Variants in CA8 observed in about 807,000 individuals in gnomAD.
The protein encoded by CA8 is carbonic anhydrase 8 (inactive), also known as carbonic anhydrase-related protein.
In CA8, 22 loss-of-function variants were observed where a neutral mutation model predicts 41.4. The ratio of observed to expected loss-of-function variants is 0.53; its 90% CI spans 0.38 to 0.76. The LOEUF is 0.76. Among genes scored for constraint, CA8 ranks in the 30% least tolerant of loss-of-function variants. The pLI is 0.00. For synonymous variants in CA8, 121 were observed against 130.6 expected, an observed-to-expected ratio of 0.93 and a Z score of 0.50; for missense variants, 270 against 352.8, an observed-to-expected ratio of 0.77 and a Z score of 1.88.
chr8:60,240,874 A>C (rs976855340), intron 3 of CA8, among the ~76,000 whole-genome samples: 2 of 152,134 alleles, frequency 1.3e-5, no homozygotes, highest in African/African-American at 4.8e-5. Flanking sequence ...ATTTTGAAAA[A>C]GAAAAAAAAA....
At chr8:60,256,461 C>A (rs535741340) in intron 3 of CA8, among the ~76,000 whole-genome samples, 2 of 152,072 alleles carry the variant, frequency 1.3e-5, no homozygotes, top group Non-Finnish European at 2.9e-5. Flanking sequence ...GCTTCTGTCA[C>A]GAATTTTTGG....
At chr8:60,213,481 GAAGA>G (rs1806911599) in intron 7 of CA8, among the ~76,000 whole-genome samples, 2 of 152,162 alleles carry the variant, frequency 1.3e-5, no homozygotes, top group Admixed American at 6.5e-5. Context: ...TTAAGAAAGG[GAAGA>G]AAGAGTCTCC....
chr8:60,246,290 T>C (rs1049750650), intron 3 of CA8, among the ~76,000 whole-genome samples: 7 of 148,390 alleles, frequency 4.7e-5, no homozygotes, highest in African/African-American at 1.5e-4. Flanking sequence ...CTGGGGGGGG[T>C]TGAGTTTGTT....
In CA8 at chr8:60,202,188, C is replaced by T. The variant is rs1022885885; in HGVS notation, c.*35+6562G>A. Among the ~76,000 whole-genome samples, 11 of 151,624 alleles carry T rather than the reference C, an allele frequency of 7.3e-5. No homozygotes were observed. In the South Asian group the frequency reaches 1.5e-3, roughly 20 times the overall value. On this transcript the variant is annotated intron_variant, in intron 8 of 8. Transcript: ENST00000317995. ...CCTCCTGAGTAGCTGGGACTACAGG[C>T]GCCTGCCACCATTCCCAGCTAATTT...
At position 60,260,283 on chromosome 8, in the gene CA8, G is replaced by A. The variant is rs116726669; in HGVS notation, c.417+5642C>T. On this transcript the variant is annotated intron_variant, in intron 3 of 8. Transcript: ENST00000317995. ...TATCTACTAAATCCACCACCCCTTC[G>A]ACCCCATTCTTGGAGGTAGCAGGGA... Among the ~76,000 whole-genome samples, 335 of 152,138 alleles carry A rather than the reference G, an allele frequency of 2.2e-3. 1 individual carries two copies. Among genetic ancestry groups the A allele is most frequent in the African/African-American group, 7.6e-3 (317 of 41,492 alleles).
At chr8:60,232,209 GAAT>G (rs1176819202) in intron 4 of CA8, 72 bp downstream of exon 4, 3 of 1,111,928 alleles carry the variant, frequency 2.7e-6, no homozygotes, top group Non-Finnish European at 4.1e-6. Context: ...ATAAAATTGA[GAAT>G]AAAAAAATTT....
chr8:60,243,142 C>G lies in CA8; in HGVS notation c.418-10763G>C, dbSNP rs567015062. 2.6e-5 allele frequency among the ~76,000 whole-genome samples: 4 copies of G among 152,262 alleles called. No individual in the cohort carries two copies. The South Asian group carries it at 8.3e-4, about 32-fold the overall frequency. ...GCTGGAGCCGTCCTTAAATCCAGCC[C>G]AAAGGCCCACCAGTCAGCATCCCCA... On this transcript the variant is annotated intron_variant, in intron 3 of 8. Transcript: ENST00000317995.
intron 4 of CA8, among the ~76,000 whole-genome samples, chr8:60,229,200 A>G (rs552740903): frequency 6.6e-6 from 1 of 150,992 alleles, no homozygotes; most frequent in Admixed American, 6.6e-5. Flanking sequence ...ATCTCTCCTT[A>G]TCTTCCACTG....
intron 8 of CA8, among the ~76,000 whole-genome samples, chr8:60,197,571 C>T (rs1001923445): frequency 2.0e-5 from 3 of 152,162 alleles, no homozygotes; most frequent in African/African-American, 4.8e-5. Flanking sequence ...CAAGGTCACA[C>T]AACTAATTAC....
chr8:60,194,853 TA>T (rs745488577), intron 8 of CA8, among the ~76,000 whole-genome samples: 2 of 151,526 alleles, frequency 1.3e-5, no homozygotes, highest in African/African-American at 4.8e-5. Flanking sequence ...GCAATGCACT[TA>T]AAAAAAAATC....
chr8:60,232,956 G>A (rs2130497815), intron 3 of CA8, among the ~76,000 whole-genome samples: 1 of 152,262 alleles, frequency 6.6e-6, no homozygotes, highest in Non-Finnish European at 1.5e-5. Flanking sequence ...TTCCTGCACT[G>A]GCGATAAAAT....
At chr8:60,277,417 A>C (rs903150986) in intron 2 of CA8, among the ~76,000 whole-genome samples, 1 of 151,886 alleles carries the variant, frequency 6.6e-6, no homozygotes. Flanking sequence ...GCAATGGCGC[A>C]ATCTCGGCTC....
chr8:60,217,125 C>A (rs139077548), intron 7 of CA8, among the ~76,000 whole-genome samples: 78 of 152,236 alleles, frequency 5.1e-4, no homozygotes, highest in African/African-American at 1.9e-3. Flanking sequence ...CTCAGGTGAT[C>A]CGTCCACCTC....
chr8:60,237,117 T>C (rs1048307962), intron 3 of CA8, among the ~76,000 whole-genome samples: 5 of 152,202 alleles, frequency 3.3e-5, no homozygotes, highest in African/African-American at 1.2e-4. Flanking sequence ...TGAGAGGCAA[T>C]GTGCTCTCAT....
chr8:60,244,383 G>T (rs1808147422), intron 3 of CA8, among the ~76,000 whole-genome samples: 1 of 152,134 alleles, frequency 6.6e-6, no homozygotes, highest in Non-Finnish European at 1.5e-5. Context: ...TGCCCACGAG[G>T]TACAGTCCAA....
rs201401309 is a variant in CA8 at position 60,232,872 on chromosome 8, G to GA, written c.418-494dup. On this transcript the variant is annotated intron_variant, in intron 3 of 8. Transcript: ENST00000317995. ...AAGAATATTCAGAGATAGCATCCTG[G>GA]AAAAAAAAAAGCTGCATATTTAAAG... 6.8e-3 allele frequency among the ~76,000 whole-genome samples: 992 copies of GA among 146,740 alleles called. 4 individuals carry two copies. Among genetic ancestry groups the GA allele is most frequent in the African/African-American group, 0.021 (860 of 40,058 alleles).
chr8:60,222,244 G>A (rs147962814), intron 7 of CA8, among the ~76,000 whole-genome samples: 364 of 152,196 alleles, frequency 2.4e-3, no homozygotes, highest in African/African-American at 8.5e-3. Context: ...CCTTCACCCC[G>A]CACATGCAGA....
chr8:60,212,401 T>G (rs376873732), intron 7 of CA8, among the ~76,000 whole-genome samples: 3 of 152,386 alleles, frequency 2.0e-5, no homozygotes, highest in African/African-American at 7.2e-5. Context: ...AAAGTCAGTA[T>G]GCTCTATCCA....
intron 2 of CA8, among the ~76,000 whole-genome samples, chr8:60,266,505 T>G (rs543684368): frequency 6.6e-6 from 1 of 152,314 alleles, no homozygotes; most frequent in African/African-American, 2.4e-5. Context: ...AGCGAACGGG[T>G]GTGTGGACTA....
Sources: allele counts gnomAD v4.1 joint callset (sites outside exome capture counted in the v4.1 genomes callset), GRCh38; gene constraint gnomAD v4.1.1; transcripts MANE v1.5; gene names NCBI Gene and HGNC (gene_info 2026-07-23, HGNC 2026-07-21).